FRMPD4: variants seen among roughly 807,000 people sequenced by gnomAD.
The protein encoded by FRMPD4 is FERM and PDZ domain containing 4.
In FRMPD4, 22 loss-of-function variants were observed where a neutral mutation model predicts 94.1. The observed-to-expected ratio is 0.23, with a 90% CI of 0.17 to 0.33. FRMPD4 has a LOEUF of 0.33. FRMPD4 is among the 10% of genes least tolerant of loss of function. The pLI is 1.00. For synonymous variants in FRMPD4, 631 were observed against 548.6 expected (o/e 1.15, Z -2.10); for missense variants, 1,111 against 1,339.9 (o/e 0.83, Z 2.67).
At chrX:12,258,597 A>G (rs933752048) in intron 1 of FRMPD4, among the ~76,000 whole-genome samples, 2 of 111,728 alleles carry the variant, frequency 1.8e-5, no homozygotes, top group African/African-American at 6.5e-5. Context: ...CACTATTTGG[A>G]CTTTACTCAA....
chrX:12,339,778 G>A (rs1167877849), intron 1 of FRMPD4, among the ~76,000 whole-genome samples: 2 of 110,998 alleles, frequency 1.8e-5, no homozygotes, highest in African/African-American at 6.6e-5. Flanking sequence ...CACCATGCCT[G>A]GCTAATTTTT....
At chrX:12,127,560 T>C (rs979407463) in intron 3 of FRMPD4, among the ~76,000 whole-genome samples, 3 of 110,926 alleles carry the variant, frequency 2.7e-5, no homozygotes, top group African/African-American at 9.9e-5. Context: ...AAGATGAGAG[T>C]TGGATGGGGA....
chrX:12,087,650 C>A (rs1223158949), intron 3 of FRMPD4, among the ~76,000 whole-genome samples: 8 of 112,296 alleles, frequency 7.1e-5, no homozygotes, highest in Non-Finnish European at 1.3e-4. Context: ...TCCTTGAATA[C>A]AAATATAGTT....
At chrX:12,055,533 C>CAGAT (rs2054849094) in intron 3 of FRMPD4, among the ~76,000 whole-genome samples, 1 of 112,148 alleles carries the variant, frequency 8.9e-6, no homozygotes, top group South Asian at 3.7e-4. Context: ...AGAAGCCAGG[C>CAGAT]AGATGCTGGT....
chrX:11,989,750 C>T (rs1204993384), intron 3 of FRMPD4, among the ~76,000 whole-genome samples: 2 of 111,009 alleles, frequency 1.8e-5, no homozygotes, highest in African/African-American at 3.3e-5. Flanking sequence ...ATCTCATGTA[C>T]CCCATAATTA....
chrX:12,536,011 T>G (rs1298624064), intron 2 of FRMPD4, among the ~76,000 whole-genome samples: 1 of 108,461 alleles, frequency 9.2e-6, no homozygotes, highest in Non-Finnish European at 1.9e-5. Flanking sequence ...TTGTTCTGGG[T>G]CCACAATGTA....
At chrX:12,066,478 T>C (rs911200122) in intron 3 of FRMPD4, among the ~76,000 whole-genome samples, 2 of 112,149 alleles carry the variant, frequency 1.8e-5, no homozygotes, top group African/African-American at 6.5e-5. Context: ...CAAATATATT[T>C]GTTGGGATGT....
At chrX:12,383,295 A>AT (rs2148025907) in intron 1 of FRMPD4, among the ~76,000 whole-genome samples, 1 of 111,815 alleles carries the variant, frequency 8.9e-6, no homozygotes, top group South Asian at 3.8e-4. Flanking sequence ...AACAAGGGAG[A>AT]TTTTGCCACC....
chrX:12,479,184 G>A (rs73438713), intron 1 of FRMPD4, among the ~76,000 whole-genome samples: 1,853 of 109,331 alleles, frequency 0.017, 41 homozygotes, highest in African/African-American at 0.058. Context: ...ATGGGACAGT[G>A]GCAGATTTAA....
At chrX:12,202,384 T>A (rs1476779315) in intron 1 of FRMPD4, among the ~76,000 whole-genome samples, 1 of 112,172 alleles carries the variant, frequency 8.9e-6, no homozygotes, top group Non-Finnish European at 1.9e-5. Context: ...CTTTATGGAG[T>A]ACTGGTGTGA....
intron 1 of FRMPD4, among the ~76,000 whole-genome samples, chrX:11,829,097 G>T (rs930566697): frequency 1.8e-5 from 2 of 112,054 alleles, no homozygotes; most frequent in Non-Finnish European, 3.8e-5. Context: ...CAACTGATAG[G>T]CTGAGGCTCA....
Position 12,716,205 on chromosome X carries a change from C to T in FRMPD4, c.1746C>T (p.Ile582=). 1 of 1,207,364 alleles carries T rather than the reference C, an allele frequency of 8.3e-7. No homozygotes were observed. Among genetic ancestry groups the T allele is most frequent in the Non-Finnish European group, 1.1e-6 (1 of 891,748 alleles). The change falls in exon 15 of 17, where the codon ATC becomes ATT. Residue 582 remains isoleucine (I), a synonymous_variant. Transcript: ENST00000675598. ...YIDSKQKTVE[I]TDSTMCPKEH... ...ATTCAAAGCAGAAGACGGTGGAGAT[C>T]ACAGACAGCACCATGTGTCCAAAAG...
intron 3 of FRMPD4, among the ~76,000 whole-genome samples, chrX:12,067,224 G>A (rs2054928756): frequency 9.1e-6 from 1 of 110,191 alleles, no homozygotes; most frequent in Non-Finnish European, 1.9e-5. Context: ...TTAGTGCACA[G>A]TGAACATCTT....
intron 3 of FRMPD4, among the ~76,000 whole-genome samples, chrX:11,889,639 C>T (rs1244337994): frequency 8.9e-6 from 1 of 112,238 alleles, no homozygotes; most frequent in Non-Finnish European, 1.9e-5. Context: ...CTTAAAACAA[C>T]AAAAATTTAT....
chrX:12,017,993 C>T lies in FRMPD4; in HGVS notation c.95+139975C>T, dbSNP rs192244932. Among the ~76,000 whole-genome samples the T allele has an allele frequency of 3.6e-5, 4 of 111,553 alleles. No individual in the cohort carries two copies. The East Asian group carries it at 1.1e-3, about 31-fold the overall frequency. On this transcript the variant is annotated intron_variant, in intron 3 of 18. Coordinates refer to the FRMPD4 transcript ENST00000640291. Reference sequence around the variant, plus strand: ...TTTAATAGATGAGAAATATGAGGCTCAATATCACCTCTTCCACAAGGAGTT... The same window carrying T: ...TTTAATAGATGAGAAATATGAGGCTTAATATCACCTCTTCCACAAGGAGTT...
intron 2 of FRMPD4, among the ~76,000 whole-genome samples, chrX:11,876,027 C>T (rs986421081): frequency 2.7e-5 from 3 of 109,447 alleles, no homozygotes; most frequent in Non-Finnish European, 3.8e-5. Context: ...AGGCACCCAC[C>T]ACCATGCCCG....
rs368191997 is a variant in FRMPD4 at position 12,717,174 on chromosome X, T to A, written c.2674+41T>A. On this transcript the variant is annotated intron_variant, in intron 15 of 16. Transcript: ENST00000675598. ...TTACATTCATTCACTGATAACCATATCATTCCATCCTTCCAAGCCATTTGC... is the reference window on the plus strand; with the variant it reads ...TTACATTCATTCACTGATAACCATAACATTCCATCCTTCCAAGCCATTTGC... The A allele has an allele frequency of 1.5e-3, 1,354 of 903,253 alleles. 1 individual carries two copies. Among genetic ancestry groups the A allele is most frequent in the Non-Finnish European group, 2.0e-3 (1,286 of 649,009 alleles). 74.4% of individuals were successfully genotyped at this position (903,253 alleles called of 1,213,427 possible). A position where few individuals can be genotyped will look rare whatever the true frequency, so the allele number is the denominator to read the frequency against.
intron 3 of FRMPD4, among the ~76,000 whole-genome samples, chrX:11,967,770 T>TTTTTTGTTTTTTG (rs1569134481): frequency 9.6e-6 from 1 of 103,696 alleles, no homozygotes; most frequent in African/African-American, 3.5e-5. Flanking sequence ...TTTTTTTTTT[T>TTTTTTGTTTTTTG]TTTTTTTTAA....
chrX:11,823,275 G>T, intron 1 of FRMPD4, among the ~76,000 whole-genome samples: 1 of 108,982 alleles, frequency 9.2e-6, no homozygotes. Context: ...GGACATTTGA[G>T]GGCTAAGTTT....
Sources: allele counts gnomAD v4.1 joint callset (sites outside exome capture counted in the v4.1 genomes callset), GRCh38; gene constraint gnomAD v4.1.1; transcripts MANE v1.5; gene names NCBI Gene and HGNC (gene_info 2026-07-23, HGNC 2026-07-21).